SIPA1L1: variants seen among roughly 807,000 people sequenced by gnomAD.
The protein encoded by SIPA1L1 is signal-induced proliferation-associated 1-like protein 1.
Under a neutral mutation model 162.7 loss-of-function variants are expected in SIPA1L1, and 26 were observed. The ratio of observed to expected loss-of-function variants is 0.16; its 90% CI spans 0.12 to 0.22. The LOEUF (loss-of-function observed/expected upper bound fraction) is 0.22, where lower values mean the gene tolerates loss of function less well. Ranked by LOEUF, SIPA1L1 falls within the 10% of genes least tolerant of loss-of-function variation. The probability of loss-of-function intolerance (pLI) is 1.00; values close to 1 mark genes in which losing one functional copy is unlikely to be tolerated. For missense variants in SIPA1L1, 1,874 were observed against 2,241.0 expected (o/e 0.84, Z 3.31); for synonymous variants, 829 against 837.4 (o/e 0.99, Z 0.17).
intron 4 of SIPA1L1, among the ~76,000 whole-genome samples, chr14:71,554,782 G>A (rs8013161): frequency 0.82 from 124,429 of 152,104 alleles, 51,427 homozygotes; most frequent in African/African-American, 0.92. Context: ...GGAGCATTTA[G>A]GTTGTTTATA....
chr14:71,639,818 G>A (rs2041525410), intron 7 of SIPA1L1, among the ~76,000 whole-genome samples: 1 of 152,226 alleles, frequency 6.6e-6, no homozygotes, highest in African/African-American at 2.4e-5. Flanking sequence ...AAGTAATTCA[G>A]TGGAGGAAGG....
chr14:71,546,531 G>C (rs1411036135), intron 4 of SIPA1L1, among the ~76,000 whole-genome samples: 1 of 151,918 alleles, frequency 6.6e-6, no homozygotes, highest in South Asian at 2.1e-4. Flanking sequence ...ACAGGTGCAC[G>C]CCATCACGCC....
intron 3 of SIPA1L1, among the ~76,000 whole-genome samples, chr14:71,526,058 G>A (rs2052840790): frequency 6.6e-6 from 1 of 152,210 alleles, no homozygotes; most frequent in Non-Finnish European, 1.5e-5. Flanking sequence ...TGAAGGGAGA[G>A]CTTCAGGAAC....
At chr14:71,387,165 G>T in intron 2 of SIPA1L1, among the ~76,000 whole-genome samples, 1 of 145,280 alleles carries the variant, frequency 6.9e-6, no homozygotes, top group African/African-American at 2.5e-5. Flanking sequence ...GAAGAATTGC[G>T]TGAATCTGGG....
intron 2 of SIPA1L1, among the ~76,000 whole-genome samples, chr14:71,492,327 G>A (rs1350284631): frequency 6.6e-6 from 1 of 152,134 alleles, no homozygotes; most frequent in Non-Finnish European, 1.5e-5. Context: ...CAATATAGCC[G>A]TGTTTTTTTC....
At chr14:71,360,175 C>CTT (rs1300291922) in intron 2 of SIPA1L1, among the ~76,000 whole-genome samples, 3 of 152,152 alleles carry the variant, frequency 2.0e-5, no homozygotes, top group Non-Finnish European at 4.4e-5. Flanking sequence ...GAAGATAAAG[C>CTT]TTATAATGTT....
At chr14:71,441,039 A>T (rs866685652) in intron 2 of SIPA1L1, among the ~76,000 whole-genome samples, 1 of 152,190 alleles carries the variant, frequency 6.6e-6, no homozygotes, top group Non-Finnish European at 1.5e-5. Flanking sequence ...CAAATTTCAG[A>T]CTTACTATTT....
At chr14:71,376,918 C>G (rs41217) in intron 2 of SIPA1L1, among the ~76,000 whole-genome samples, 64,968 of 152,068 alleles carry the variant, frequency 0.43, 14,512 homozygotes, top group Admixed American at 0.51. Context: ...AAAATGGAGT[C>G]TCCTATGTCT....
At position 71,589,219 on chromosome 14, in the gene SIPA1L1, T is replaced by C; in HGVS notation, c.1347T>C (p.Ser449=). 6.2e-7 allele frequency: 1 copy of C among 1,614,124 alleles called. No homozygotes were observed. Among genetic ancestry groups the C allele is most frequent in the South Asian group, 1.1e-5 (1 of 91,090 alleles). Residue 449 remains serine (S), a synonymous_variant, in exon 5 of 24, where the codon TCT becomes TCC. Transcript: ENST00000381232. Reference sequence around the variant, plus strand: ...GATGTGAAAGTGCCTCCTTTGAGTCTACCCTTAGTTCCCATTGCACAAATG... The same window carrying C: ...GATGTGAAAGTGCCTCCTTTGAGTCCACCCTTAGTTCCCATTGCACAAATG... The part of the protein sequence containing the change: ...FSGCESASFE[S]TLSSHCTNAG...
intron 7 of SIPA1L1, among the ~76,000 whole-genome samples, chr14:71,646,482 C>T (rs1429786239): frequency 6.6e-6 from 1 of 152,154 alleles, no homozygotes; most frequent in African/African-American, 2.4e-5. Flanking sequence ...TGTTTCTTAA[C>T]TCTGTGTTAA....
chr14:71,399,414 G>T (rs2041485354), intron 2 of SIPA1L1, among the ~76,000 whole-genome samples: 1 of 152,186 alleles, frequency 6.6e-6, no homozygotes. Context: ...TGTTGCTGCT[G>T]TTGTTTTTGA....
intron 2 of SIPA1L1, among the ~76,000 whole-genome samples, chr14:71,457,599 C>G (rs2046280352): frequency 6.7e-6 from 1 of 149,648 alleles, no homozygotes; most frequent in East Asian, 2.0e-4. Flanking sequence ...GCCCAGCCGA[C>G]ATTTTTTTTT....
intron 5 of SIPA1L1, among the ~76,000 whole-genome samples, chr14:71,599,689 G>GT (rs2036503949): frequency 1.3e-5 from 2 of 151,922 alleles, no homozygotes; most frequent in Non-Finnish European, 2.9e-5. Context: ...TCTGTTTTTA[G>GT]TTTTTTTCCA....
At chr14:71,360,218 C>A (rs1031561356) in intron 2 of SIPA1L1, among the ~76,000 whole-genome samples, 1 of 152,144 alleles carries the variant, frequency 6.6e-6, no homozygotes, top group African/African-American at 2.4e-5. Flanking sequence ...TGGTAGTCTT[C>A]TATTGAGTTC....
chr14:71,621,947 A>T (rs1477141086), intron 6 of SIPA1L1, among the ~76,000 whole-genome samples: 1 of 152,102 alleles, frequency 6.6e-6, no homozygotes, highest in Non-Finnish European at 1.5e-5. Context: ...TTTAATGGTA[A>T]TATTGTATTA....
chr14:71,339,044 T>C (rs773759132), intron 2 of SIPA1L1, among the ~76,000 whole-genome samples: 1 of 152,108 alleles, frequency 6.6e-6, no homozygotes, highest in Non-Finnish European at 1.5e-5. Flanking sequence ...ATGGCCAGAT[T>C]ACCAGATATT....
intron 9 of SIPA1L1, among the ~76,000 whole-genome samples, chr14:71,658,647 T>C (rs1377783355): frequency 6.6e-6 from 1 of 152,234 alleles, no homozygotes; most frequent in African/African-American, 2.4e-5. Flanking sequence ...GCTGGATGCC[T>C]TTGTGAATTA....
intron 4 of SIPA1L1, among the ~76,000 whole-genome samples, chr14:71,532,724 C>T (rs1567162067): frequency 6.6e-6 from 1 of 152,124 alleles, no homozygotes; most frequent in Admixed American, 6.5e-5. Flanking sequence ...ATAGAGGGTA[C>T]GTATACACTG....
chr14:71,454,058 G>A (rs1319236800), intron 2 of SIPA1L1, among the ~76,000 whole-genome samples: 2 of 125,414 alleles, frequency 1.6e-5, no homozygotes, highest in Non-Finnish European at 3.3e-5. Flanking sequence ...AGAGTTCATA[G>A]ATCATCACTT....
Sources: gnomAD v4.1 joint callset for allele counts (sites outside exome capture counted in the v4.1 genomes callset) on GRCh38, gnomAD v4.1.1 for gene constraint, MANE v1.5 for transcripts, NCBI Gene and HGNC (gene_info 2026-07-23, HGNC 2026-07-21) for gene names.